OR2AT4: variants seen among roughly 807,000 people sequenced by gnomAD.
OR2AT4 encodes olfactory receptor family 2 subfamily AT member 4.
OR2AT4 carries 6 observed loss-of-function variants against 10.3 expected under a neutral mutation model. The ratio of observed to expected loss-of-function variants is 0.58; its 90% CI spans 0.32 to 1.15. The LOEUF (loss-of-function observed/expected upper bound fraction) is 1.15. Among genes scored for constraint, OR2AT4 ranks in the 50% most tolerant of loss-of-function variants. OR2AT4 has a pLI of 0.05. For synonymous variants in OR2AT4, 145 were observed against 159.1 expected (o/e 0.91, Z 0.67); for missense variants, 354 against 393.8 (o/e 0.90, Z 0.85).
exon 2 of OR2AT4, chr11:75,089,719 G>C: frequency 1.2e-6 from 2 of 1,603,254 alleles, no homozygotes; most frequent in Non-Finnish European, 1.7e-6. Context: ...TCCATTGTGA[G>C]ACACAGCTGG....
chr11:75,086,952 T>C (rs776464294), exon 2 of OR2AT4: 21 of 152,204 alleles, frequency 1.4e-4, no homozygotes, highest in Non-Finnish European at 2.8e-4. Context: ...GTTAAAATCA[T>C]ACATTATGTA....
intron 1 of OR2AT4, 77 bp from the exon 2 acceptor site, chr11:75,090,441 A>G (rs914613509): frequency 3.3e-5 from 5 of 152,214 alleles, no homozygotes; most frequent in Non-Finnish European, 7.3e-5. Flanking sequence ...AAATTACACA[A>G]ATCACATTTT....
At chr11:75,088,584 TTTTA>T in exon 2 of OR2AT4, 1 of 681,282 alleles carries the variant, frequency 1.5e-6, no homozygotes, top group Non-Finnish European at 2.1e-6. Flanking sequence ...AAGATTTTTT[TTTTA>T]TTTTAGTAAA....
chr11:75,089,738 G>A, exon 2 of OR2AT4: 1 of 1,587,814 alleles, frequency 6.3e-7, no homozygotes, highest in South Asian at 1.2e-5. Context: ...GGATTTCTCA[G>A]AGATGGGCAG....
exon 2 of OR2AT4, chr11:75,089,864 T>C (rs1949313823): frequency 2.5e-6 from 2 of 806,720 alleles, no homozygotes; most frequent in South Asian, 1.9e-5. Flanking sequence ...TACAACCAAC[T>C]GTAGAGGACT....
chr11:75,092,652 T>G (rs1949325589), intron 1 of OR2AT4, among the ~76,000 whole-genome samples: 1 of 152,100 alleles, frequency 6.6e-6, no homozygotes, highest in African/African-American at 2.4e-5. Context: ...TTCATCTAAA[T>G]GGCTTTTGTT....
exon 2 of OR2AT4, chr11:75,085,473 T>G (rs190569150): frequency 6.6e-6 from 1 of 152,212 alleles, no homozygotes. Flanking sequence ...TTTTTGAGAA[T>G]GTAGAAGAGA....
exon 2 of OR2AT4, chr11:75,086,780 T>C (rs1157768369): frequency 6.6e-6 from 1 of 152,160 alleles, no homozygotes; most frequent in Non-Finnish European, 1.5e-5. Context: ...TCTTGACAAA[T>C]ATATAACATG....
intron 1 of OR2AT4, among the ~76,000 whole-genome samples, chr11:75,093,234 G>T (rs1166774069): frequency 1.3e-5 from 2 of 152,258 alleles, no homozygotes; most frequent in Non-Finnish European, 2.9e-5. Context: ...AACAGAGATT[G>T]GAGGATGTCC....
At chr11:75,089,865 G>A in exon 2 of OR2AT4, 1 of 807,156 alleles carries the variant, frequency 1.2e-6, no homozygotes, top group South Asian at 1.9e-5. Context: ...ACAACCAACT[G>A]TAGAGGACTG....
At chr11:75,093,568 A>G (rs1949330343) in intron 1 of OR2AT4, among the ~76,000 whole-genome samples, 1 of 152,274 alleles carries the variant, frequency 6.6e-6, no homozygotes, top group Admixed American at 6.5e-5. Flanking sequence ...TCTGTTGGGG[A>G]TGTCTCTCTG....
chr11:75,093,810 C>CTTTTTTTTTTTTTTTTTTTTTTT (rs556380402), intron 1 of OR2AT4, among the ~76,000 whole-genome samples: 4 of 61,804 alleles, frequency 6.5e-5, no homozygotes, highest in African/African-American at 6.9e-5. Context: ...TTTTCTTTTT[C>CTTTTTTTTTTTTTTTTTTTTTTT]TTTTTTTTTT....
intron 1 of OR2AT4, among the ~76,000 whole-genome samples, chr11:75,092,658 T>C (rs187533920): frequency 1.1e-3 from 171 of 152,216 alleles, no homozygotes; most frequent in African/African-American, 4.0e-3. Context: ...TAAATGGCTT[T>C]TGTTAGGCTG....
intron 1 of OR2AT4, among the ~76,000 whole-genome samples, chr11:75,091,610 A>C (rs984889687): frequency 6.6e-6 from 1 of 152,232 alleles, no homozygotes; most frequent in African/African-American, 2.4e-5. Context: ...GAAAATGTCT[A>C]AAATTAAGCC....
exon 2 of OR2AT4, chr11:75,085,659 C>A (rs74576185): frequency 6.6e-6 from 1 of 151,728 alleles, no homozygotes; most frequent in Non-Finnish European, 1.5e-5. Context: ...CATGTCACAA[C>A]CAAATGGGGT....
chr11:75,081,835 C>T (rs1949268747), exon 2 of OR2AT4: 2 of 152,090 alleles, frequency 1.3e-5, no homozygotes, highest in Non-Finnish European at 2.9e-5. Flanking sequence ...GGTGAAAGAT[C>T]TCTACAAGAA....
chr11:75,094,646 G>C (rs1949337846), intron 1 of OR2AT4, among the ~76,000 whole-genome samples: 1 of 152,148 alleles, frequency 6.6e-6, no homozygotes, highest in Non-Finnish European at 1.5e-5. Flanking sequence ...TACTCAGAAG[G>C]CTGAGGCAGG....
exon 2 of OR2AT4, chr11:75,086,817 A>G (rs1223668817): frequency 1.3e-5 from 2 of 152,200 alleles, no homozygotes; most frequent in Admixed American, 6.5e-5. Context: ...ATCATACAGA[A>G]TAGTTTCACT....
At chr11:75,085,229 A>G (rs988424176) in exon 2 of OR2AT4, 17 of 152,248 alleles carry the variant, frequency 1.1e-4, no homozygotes, top group African/African-American at 4.1e-4. Context: ...GGAACAGTAC[A>G]AACAACTCTA....
Sources: gnomAD v4.1 joint callset for allele counts (sites outside exome capture counted in the v4.1 genomes callset) on GRCh38, gnomAD v4.1.1 for gene constraint, MANE v1.5 for transcripts, NCBI Gene and HGNC (gene_info 2026-07-23, HGNC 2026-07-21) for gene names.